PDE4D: variants seen among roughly 807,000 people sequenced by gnomAD.
The protein encoded by PDE4D is phosphodiesterase 4D.
PDE4D carries 24 observed loss-of-function variants against 87.4 expected under a neutral mutation model. That is an observed-to-expected ratio of 0.27 (90% CI 0.20 to 0.39). PDE4D has a LOEUF of 0.39. PDE4D is among the 10% of genes least tolerant of loss of function. PDE4D has a pLI of 1.00. For synonymous variants in PDE4D, 384 were observed against 383.2 expected, an observed-to-expected ratio of 1.00 and a Z score of -0.02; for missense variants, 714 against 1,041.0, an observed-to-expected ratio of 0.69 and a Z score of 4.32.
At chr5:59,181,683 G>C (rs1741631628) in intron 4 of PDE4D, among the ~76,000 whole-genome samples, 1 of 151,384 alleles carries the variant, frequency 6.6e-6, no homozygotes, top group Admixed American at 6.6e-5. Flanking sequence ...TTATCTCATT[G>C]AATCCTTACA....
chr5:60,051,714 A>T (rs1309333799), intron 2 of PDE4D, among the ~76,000 whole-genome samples: 1 of 152,188 alleles, frequency 6.6e-6, no homozygotes, highest in African/African-American at 2.4e-5. Context: ...AGATACAGAC[A>T]TGAAAAACCC....
intron 1 of PDE4D, among the ~76,000 whole-genome samples, chr5:60,209,612 T>C (rs1742955082): frequency 1.3e-5 from 2 of 152,152 alleles, no homozygotes; most frequent in Admixed American, 1.3e-4. Context: ...ATTTTTTTCC[T>C]AGTTTGGGCA....
intron 5 of PDE4D, among the ~76,000 whole-genome samples, chr5:59,049,177 T>G (rs564140157): frequency 6.6e-5 from 10 of 152,360 alleles, no homozygotes; most frequent in Non-Finnish European, 1.2e-4. Flanking sequence ...ATGACTTTTC[T>G]AATGTCATTT....
At position 60,318,831 on chromosome 5, in the gene PDE4D, G is replaced by A. The variant is rs536095779; in HGVS notation, c.-89-133144C>T. On this transcript the variant is annotated intron_variant, in intron 1 of 16. Transcript: ENST00000502484. Reference sequence around the variant, plus strand: ...ATTGGCCCCCACTCTCTTCTGGCTTGTAGAGTTTCTGCCAAGAGATCTGCT... The same window carrying A: ...ATTGGCCCCCACTCTCTTCTGGCTTATAGAGTTTCTGCCAAGAGATCTGCT... Among the ~76,000 whole-genome samples the A allele has an allele frequency of 3.3e-5, 5 of 152,226 alleles. No homozygotes were observed. The East Asian group carries it at 7.7e-4, about 24-fold the overall frequency.
intron 1 of PDE4D, among the ~76,000 whole-genome samples, chr5:60,340,606 TTAAA>T (rs201870368): frequency 0.15 from 5,430 of 37,148 alleles, 245 homozygotes; most frequent in African/African-American, 0.38. Flanking sequence ...GTCACATCAT[TTAAA>T]AAAAAAAAAA....
intron 1 of PDE4D, among the ~76,000 whole-genome samples, chr5:59,698,256 T>A (rs896567904): frequency 6.6e-6 from 1 of 152,100 alleles, no homozygotes; most frequent in African/African-American, 2.4e-5. Context: ...GCCATGTTTT[T>A]CAAACAGCAA....
chr5:59,824,458 T>C (rs1770081674), intron 1 of PDE4D, among the ~76,000 whole-genome samples: 1 of 152,198 alleles, frequency 6.6e-6, no homozygotes, highest in Admixed American at 6.5e-5. Flanking sequence ...CTTATGTTTA[T>C]AGAAAGACTA....
At chr5:60,302,489 G>C (rs983805002) in intron 1 of PDE4D, among the ~76,000 whole-genome samples, 3 of 152,120 alleles carry the variant, frequency 2.0e-5, no homozygotes, top group African/African-American at 7.2e-5. Context: ...ATGGTTATTT[G>C]AATTTCTGTG....
At chr5:59,002,724 A>G (rs188176682) in intron 6 of PDE4D, among the ~76,000 whole-genome samples, 9 of 152,296 alleles carry the variant, frequency 5.9e-5, no homozygotes, top group African/African-American at 2.2e-4. Flanking sequence ...GGCTGCAACC[A>G]TATGAGGAAT....
intron 1 of PDE4D, among the ~76,000 whole-genome samples, chr5:59,556,940 T>C (rs1377156008): frequency 1.3e-5 from 2 of 152,142 alleles, no homozygotes; most frequent in African/African-American, 4.8e-5. Context: ...GGCAAATACA[T>C]AAAATGACTT....
intron 3 of PDE4D, among the ~76,000 whole-genome samples, chr5:59,928,609 A>G (rs1036592135): frequency 1.3e-5 from 2 of 151,924 alleles, no homozygotes; most frequent in Non-Finnish European, 2.9e-5. Context: ...AAAATAATGG[A>G]AGTAACTTAC....
intron 1 of PDE4D, among the ~76,000 whole-genome samples, chr5:60,387,110 T>C (rs1762244549): frequency 6.6e-6 from 1 of 152,226 alleles, no homozygotes; most frequent in Admixed American, 6.5e-5. Flanking sequence ...ACTAGGATTC[T>C]TTCATCTGAG....
intron 3 of PDE4D, among the ~76,000 whole-genome samples, chr5:59,906,746 G>C (rs1398346055): frequency 6.6e-6 from 1 of 152,098 alleles, no homozygotes; most frequent in Non-Finnish European, 1.5e-5. Flanking sequence ...CAGTCAGAAT[G>C]GAGGAGAAAA....
intron 1 of PDE4D, among the ~76,000 whole-genome samples, chr5:60,234,032 C>T (rs1746126430): frequency 6.6e-6 from 1 of 151,790 alleles, no homozygotes; most frequent in Non-Finnish European, 1.5e-5. Flanking sequence ...CTACAATATT[C>T]AAAGTTATGC....
At chr5:59,637,810 T>A (rs1476931091) in intron 1 of PDE4D, among the ~76,000 whole-genome samples, 1 of 151,964 alleles carries the variant, frequency 6.6e-6, no homozygotes, top group Non-Finnish European at 1.5e-5. Context: ...AGATGATGAG[T>A]TGATGGGTGC....
chr5:60,277,896 T>C (rs560998414), intron 1 of PDE4D, among the ~76,000 whole-genome samples: 5 of 152,238 alleles, frequency 3.3e-5, no homozygotes, highest in African/African-American at 1.2e-4. Context: ...CCTTAAATAT[T>C]TTCTCTACAT....
intron 1 of PDE4D, among the ~76,000 whole-genome samples, chr5:60,329,761 A>G (rs1270498875): frequency 6.6e-6 from 1 of 151,512 alleles, no homozygotes; most frequent in Non-Finnish European, 1.5e-5. Flanking sequence ...TACTGTGCCC[A>G]CTCTCGGTGA....
intron 2 of PDE4D, among the ~76,000 whole-genome samples, chr5:59,200,004 A>G (rs974855685): frequency 1.4e-5 from 2 of 147,736 alleles, no homozygotes; most frequent in South Asian, 2.2e-4. Context: ...ACATGCATGC[A>G]ACATACATAC....
rs571791095 is a variant in PDE4D at position 59,882,054 on chromosome 5, G to A, written c.455+11114C>T. Among the ~76,000 whole-genome samples, 173 of 152,186 alleles carry A rather than the reference G, an allele frequency of 1.1e-3. 1 individual carries two copies. The highest frequency in any genetic ancestry group is 4.1e-3 in the African/African-American group (169 of 41,504). Reference sequence around the variant, plus strand: ...ATCCTTCTGTTTCTCACAAACTGTGGGTCTGTTGATTTATTTGGATATTTC... The same window carrying A: ...ATCCTTCTGTTTCTCACAAACTGTGAGTCTGTTGATTTATTTGGATATTTC... On this transcript the variant is annotated intron_variant, in intron 1 of 14. Transcript: ENST00000340635.
Sources: gnomAD v4.1 joint callset for allele counts (sites outside exome capture counted in the v4.1 genomes callset) on GRCh38, gnomAD v4.1.1 for gene constraint, MANE v1.5 for transcripts, NCBI Gene and HGNC (gene_info 2026-07-23, HGNC 2026-07-21) for gene names.